Variants in KALRN observed in about 807,000 individuals in gnomAD.
KALRN encodes kalirin.
KALRN carries 70 observed loss-of-function variants against 353.7 expected under a neutral mutation model. That is an observed-to-expected ratio of 0.20 (90% confidence interval 0.16 to 0.24). KALRN has a LOEUF of 0.24. Among genes scored for constraint, KALRN ranks in the 10% least tolerant of loss-of-function variants. KALRN has a pLI of 1.00. For missense variants in KALRN, 2,791 were observed against 3,756.7 expected (o/e 0.74, Z 6.72); for synonymous variants, 1,391 against 1,434.8 (o/e 0.97, Z 0.69).
intron 1 of KALRN, among the ~76,000 whole-genome samples, chr3:124,112,512 G>T (rs2063082322): frequency 6.6e-6 from 1 of 152,040 alleles, no homozygotes; most frequent in Non-Finnish European, 1.5e-5. Context: ...CCTCCTGTTT[G>T]GACAAGAGGC....
At position 124,529,666 on chromosome 3, in the gene KALRN, A is replaced by G. The variant is rs145896077; in HGVS notation, c.4936-33177A>G. 2.4e-3 allele frequency among the ~76,000 whole-genome samples: 360 copies of G among 152,234 alleles called. 2 individuals carry two copies. The highest frequency in any genetic ancestry group is 7.7e-3 in the African/African-American group (320 of 41,560). ...GGTGGTTTGGTCACTGACAATTCAA[A>G]TAATTCTGATAAATGCCAACTCTTC... On this transcript the variant is annotated intron_variant, in intron 33 of 59. Transcript: ENST00000682506.
chr3:124,439,505 AT>A (rs1349872233), intron 18 of KALRN, among the ~76,000 whole-genome samples: 2 of 152,206 alleles, frequency 1.3e-5, no homozygotes, highest in Non-Finnish European at 2.9e-5. Context: ...GGCTAATTAA[AT>A]TATTTTTTGA....
intron 1 of KALRN, among the ~76,000 whole-genome samples, chr3:124,090,915 G>T (rs13072256): frequency 0.6 from 90,816 of 152,054 alleles, 30,011 homozygotes; most frequent in Non-Finnish European, 0.75. Flanking sequence ...AGGGCCTCTT[G>T]GGAGGGTGGA....
chr3:124,376,461 C>G (rs1405129703), intron 10 of KALRN, among the ~76,000 whole-genome samples: 1 of 152,118 alleles, frequency 6.6e-6, no homozygotes, highest in African/African-American at 2.4e-5. Flanking sequence ...TTCTTTCCAC[C>G]AAAGACCACT....
chr3:124,456,965 C>T (rs899772735), intron 23 of KALRN, among the ~76,000 whole-genome samples: 2 of 152,220 alleles, frequency 1.3e-5, no homozygotes, highest in African/African-American at 4.8e-5. Flanking sequence ...CAAACCCTTC[C>T]TCATAGATCA....
At position 124,456,618 on chromosome 3, in the gene KALRN, G is replaced by C; in HGVS notation, c.3744G>C (p.Lys1248Asn). ...KALGVNTEDNKDLELDIIPAS... is the reference protein window; with the variant it reads ...KALGVNTEDNNDLELDIIPAS... ...GATCCCTCCATGTGCAGGATAATAA[G>C]GACCTGGAGCTGGATATTATCCCAG... The change falls in exon 23 of 60, where the codon AAG (lysine) becomes AAC (asparagine). Residue 1248 changes from lysine (K) to asparagine (N), a missense_variant. Transcript: ENST00000682506. 6.2e-7 allele frequency: 1 copy of C among 1,611,366 alleles called. No individual in the cohort carries two copies. Among genetic ancestry groups the C allele is most frequent in the African/African-American group, 1.3e-5 (1 of 74,948 alleles).
chr3:124,038,347 G>A (rs980511161), intron 1 of KALRN, among the ~76,000 whole-genome samples: 18 of 152,256 alleles, frequency 1.2e-4, no homozygotes, highest in African/African-American at 4.1e-4. Context: ...TACTTGCAGA[G>A]TTTATCAGTG....
intron 1 of KALRN, among the ~76,000 whole-genome samples, chr3:124,146,543 C>A (rs1471142328): frequency 6.6e-6 from 1 of 151,866 alleles, no homozygotes; most frequent in Non-Finnish European, 1.5e-5. Context: ...TAGAGAGGTA[C>A]TAGAAGGTGG....
intron 1 of KALRN, among the ~76,000 whole-genome samples, chr3:124,052,701 G>A (rs1475546904): frequency 6.6e-6 from 1 of 151,688 alleles, no homozygotes; most frequent in Non-Finnish European, 1.5e-5. Context: ...TTGGTAGAGG[G>A]AAACATACTA....
chr3:124,262,321 T>C (rs577398979), intron 3 of KALRN, among the ~76,000 whole-genome samples: 1 of 152,288 alleles, frequency 6.6e-6, no homozygotes, highest in South Asian at 2.1e-4. Flanking sequence ...GGAAAGGAAA[T>C]AGGCCTGGGT....
chr3:124,182,715 G>T (rs2073770318), intron 1 of KALRN, among the ~76,000 whole-genome samples: 1 of 152,142 alleles, frequency 6.6e-6, no homozygotes, highest in Non-Finnish European at 1.5e-5. Context: ...AGACTCAGGA[G>T]ATTGAGAGAT....
intron 51 of KALRN, among the ~76,000 whole-genome samples, chr3:124,685,538 C>T (rs1578943147): frequency 6.6e-6 from 1 of 152,186 alleles, no homozygotes; most frequent in African/African-American, 2.4e-5. Context: ...GAAGTCTACT[C>T]GTATGGCTCA....
chr3:124,342,048 G>A (rs2081790744), intron 9 of KALRN, among the ~76,000 whole-genome samples: 1 of 152,104 alleles, frequency 6.6e-6, no homozygotes, highest in Admixed American at 6.5e-5. Flanking sequence ...GCCAGGTATA[G>A]GGGACTTAGT....
chr3:124,661,992 G>A (rs73193769), intron 45 of KALRN, 64 bp downstream of exon 45: 35,210 of 1,323,330 alleles, frequency 0.027, 706 homozygotes, highest in East Asian at 0.094. Context: ...AGACTGTTGC[G>A]GCTTCCTCCC....
chr3:124,362,564 T>C (rs2084174206), intron 10 of KALRN, among the ~76,000 whole-genome samples: 1 of 152,282 alleles, frequency 6.6e-6, no homozygotes, highest in Admixed American at 6.5e-5. Flanking sequence ...GCTGTCCTGC[T>C]GCAATCTAGG....
chr3:124,554,858 G>A (rs566552660), intron 33 of KALRN, among the ~76,000 whole-genome samples: 10 of 152,280 alleles, frequency 6.6e-5, no homozygotes, highest in African/African-American at 2.4e-4. Flanking sequence ...GGATCTCTAA[G>A]TGTCAGTATT....
At chr3:124,300,850 A>G (rs1560503026) in intron 6 of KALRN, among the ~76,000 whole-genome samples, 1 of 152,226 alleles carries the variant, frequency 6.6e-6, no homozygotes, top group Non-Finnish European at 1.5e-5. Context: ...TCTTCATCTC[A>G]GTGTAAAGAC....
chr3:124,698,253 G>A (rs1380842531), intron 55 of KALRN, among the ~76,000 whole-genome samples: 1 of 152,244 alleles, frequency 6.6e-6, no homozygotes, highest in Non-Finnish European at 1.5e-5. Context: ...TGGGATTACA[G>A]GCGTAAGCCA....
At chr3:124,200,397 T>G (rs2075842928) in intron 1 of KALRN, among the ~76,000 whole-genome samples, 1 of 152,208 alleles carries the variant, frequency 6.6e-6, no homozygotes, top group African/African-American at 2.4e-5. Context: ...GCAGATTCAG[T>G]GTCTGGCGAG....
Sources: gnomAD v4.1 joint callset for allele counts (sites outside exome capture counted in the v4.1 genomes callset) on GRCh38, gnomAD v4.1.1 for gene constraint, MANE v1.5 for transcripts, NCBI Gene and HGNC (gene_info 2026-07-23, HGNC 2026-07-21) for gene names.